GPC1: variants seen among roughly 807,000 people sequenced by gnomAD.
The protein encoded by GPC1 is glypican 1, also known as glypican-1.
In GPC1, 26 loss-of-function variants were observed where a neutral mutation model predicts 51.5. That is an observed-to-expected ratio of 0.50 (90% CI 0.37 to 0.70). GPC1 has a LOEUF of 0.70. Among genes scored for constraint, GPC1 ranks in the 30% least tolerant of loss-of-function variants. The pLI, the probability that GPC1 is intolerant of heterozygous loss-of-function variation, is 0.00. For missense variants in GPC1, 775 were observed against 800.5 expected (o/e 0.97, Z 0.38); for synonymous variants, 380 against 348.3 (o/e 1.09, Z -1.01).
rs192865950 is a variant in GPC1 at position 240,458,125 on chromosome 2, C to T, written c.167-905C>T. On this transcript the variant is annotated intron_variant, in intron 1 of 8. Transcript: ENST00000264039. ...GGACGAGACCTCATCCCTGTAAGCC[C>T]CGGTTTTCTGGTTAATAAAATGAGG... The T allele has an allele frequency of 8.9e-3, 4,080 of 460,610 alleles. 35 individuals carry two copies. Among genetic ancestry groups the T allele is most frequent in the Non-Finnish European group, 0.012 (2,739 of 219,174 alleles). 28.5% of individuals were successfully genotyped at this position (460,610 alleles called of 1,614,324 possible).
rs548610797 is a variant in GPC1 at position 240,461,789 on chromosome 2, G to T, written c.326-402G>T. Among the ~76,000 whole-genome samples, 4 of 152,216 alleles carry T rather than the reference G, an allele frequency of 2.6e-5. No homozygotes were observed. In the South Asian group the frequency reaches 8.3e-4, roughly 32 times the overall value. ...TGGGGACCAGTGGAGAGAAGGAGCG[G>T]CTGGCAGGGGGGCACAGACCGGCCC... On this transcript the variant is annotated intron_variant, in intron 2 of 8. Coordinates refer to ENST00000264039, the MANE Select transcript of GPC1 (RefSeq NM_002081.3).
chr2:240,437,933 G>C (rs1191100767), intron 1 of GPC1, among the ~76,000 whole-genome samples: 1 of 152,240 alleles, frequency 6.6e-6, no homozygotes, highest in Non-Finnish European at 1.5e-5. Flanking sequence ...GAGAGGGCAG[G>C]ACAAGATGGA....
intron 1 of GPC1, 124 bp from the exon 2 acceptor site, chr2:240,458,906 C>G: frequency 1.2e-6 from 1 of 823,204 alleles, no homozygotes; most frequent in East Asian, 2.7e-5. Context: ...ACCCCCCAGG[C>G]TGGCCCACCC....
rs151121717 is a variant in GPC1, at chr2:240,447,937, C to T, written c.167-11093C>T. Among the ~76,000 whole-genome samples the T allele has an allele frequency of 1.1e-4, 16 of 152,268 alleles. No homozygotes were observed. The East Asian group carries it at 3.1e-3, about 29-fold the overall frequency. ...TGCTTCCTGGTTGTCACCCTGAGCG[C>T]TCACAGCACGCAGTGTCGGCGCTCC... On this transcript the variant is annotated intron_variant, in intron 1 of 8. Transcript: ENST00000264039.
rs1214049831 is a variant in GPC1 at position 240,457,994 on chromosome 2, G to T, written c.167-1036G>T. The T allele has an allele frequency of 1.1e-5, 5 of 466,892 alleles. No individual in the cohort carries two copies. In the East Asian group the frequency reaches 2.8e-4, roughly 26 times the overall value. 28.9% of individuals were successfully genotyped at this position (466,892 alleles called of 1,614,324 possible). A position where few individuals can be genotyped will look rare whatever the true frequency, so the allele number is the denominator to read the frequency against. On this transcript the variant is annotated intron_variant, in intron 1 of 8. Coordinates refer to ENST00000264039, the MANE Select transcript of GPC1 (RefSeq NM_002081.3). ...GCCTGACCTAGGCCAGCACCAGGAG[G>T]GCCTTAGAGGCGGGGGACGAGGCCC...
At chr2:240,454,304 G>A (rs1390871763) in intron 1 of GPC1, among the ~76,000 whole-genome samples, 1 of 152,238 alleles carries the variant, frequency 6.6e-6, no homozygotes, top group Non-Finnish European at 1.5e-5. Context: ...TGCAGCCTGG[G>A]CAGTGGGTGG....
In GPC1 at chr2:240,448,801, C is replaced by T. The variant is rs2074071476; in HGVS notation, c.167-10229C>T. Among the ~76,000 whole-genome samples, 3 of 152,150 alleles carry T rather than the reference C, an allele frequency of 2.0e-5. No individual in the cohort carries two copies. The highest frequency in any genetic ancestry group is 6.5e-5 in the Admixed American group (1 of 15,290). On this transcript the variant is annotated intron_variant, in intron 1 of 8. Coordinates refer to ENST00000264039, the MANE Select transcript of GPC1 (RefSeq NM_002081.3). The surrounding 1 kb of genome is among the most constrained non-coding windows in gnomAD (Gnocchi z 4.5). ...AGACACCAGCCCAGCTGCCTGAGGC[C>T]CAACTAGGTTTCAGCAGCACCTGGC...
At chr2:240,460,174 G>A (rs1222329547) in intron 2 of GPC1, among the ~76,000 whole-genome samples, 2 of 152,128 alleles carry the variant, frequency 1.3e-5, no homozygotes, top group African/African-American at 4.8e-5. Flanking sequence ...GACCTCAGCT[G>A]TTGGCGTACA....
chr2:240,455,221 A>G (rs934094571), intron 1 of GPC1, among the ~76,000 whole-genome samples: 1 of 152,168 alleles, frequency 6.6e-6, no homozygotes, highest in Non-Finnish European at 1.5e-5. Flanking sequence ...TGAATCTGCC[A>G]TTAAACAAAT....
Position 240,436,063 on chromosome 2 carries a change from G to A in GPC1, c.145G>A (p.Val49Met), listed in dbSNP as rs746411797. 7.5e-7 allele frequency: 1 copy of A among 1,326,078 alleles called. No individual in the cohort carries two copies. The highest frequency in any genetic ancestry group is 9.7e-7 in the Non-Finnish European group (1 of 1,036,048). The allele number at this position is 1,326,078 out of a possible 1,614,324, so 82.1% of individuals were successfully genotyped here. A position where few individuals can be genotyped will look rare whatever the true frequency, so the allele number is the denominator to read the frequency against. Residue 49 changes from valine (V) to methionine (M), a missense_variant, in exon 1 of 9, where the codon GTG (valine) becomes ATG (methionine). Physicochemically the swap from Val to Met is conservative, Grantham distance 21 (BLOSUM62 1). Transcript: ENST00000264039. ...AGCCAAGGGCTTCAGCCTGAGCGAC[G>A]TGCCCCAGGCGGAGATCTCGGGTGA... ...YGAKGFSLSD[V>M]PQAEISGEHL...
chr2:240,462,056 G>A, intron 2 of GPC1, 135 bp from the exon 3 acceptor site: 1 of 861,840 alleles, frequency 1.2e-6, no homozygotes, highest in African/African-American at 1.7e-5. Context: ...CACAGCCGCT[G>A]CAGTGTGGCG....
chr2:240,456,111 G>A (rs535369822), intron 1 of GPC1: 3 of 284,496 alleles, frequency 1.1e-5, no homozygotes, highest in East Asian at 1.7e-4. Flanking sequence ...CGCCGGGCCG[G>A]CTGGGCGAGT....
chr2:240,437,157 G>A (rs910619467), intron 1 of GPC1, among the ~76,000 whole-genome samples: 1 of 152,174 alleles, frequency 6.6e-6, no homozygotes, highest in Non-Finnish European at 1.5e-5. Flanking sequence ...CTACTCAGAT[G>A]GGGACTCAGC....
chr2:240,442,636 G>A (rs1304567177), intron 1 of GPC1: 1 of 152,272 alleles, frequency 6.6e-6, no homozygotes, highest in African/African-American at 2.4e-5. Flanking sequence ...TTAACGAGAG[G>A]TGTCACACAG....
At chr2:240,462,641 G>C in intron 3 of GPC1, 59 bp downstream of exon 3, 3 of 1,435,810 alleles carry the variant, frequency 2.1e-6, no homozygotes, top group Non-Finnish European at 2.8e-6. Context: ...CTCTGCCCAA[G>C]GGACTTCCTC....
In GPC1 at chr2:240,465,665, GC is replaced by G; in HGVS notation, c.1444+19del. 1.2e-6 allele frequency: 2 copies of G among 1,610,348 alleles called. No individual in the cohort carries two copies. Among genetic ancestry groups the G allele is most frequent in the Non-Finnish European group, 1.7e-6 (2 of 1,178,306 alleles). The stretch of plus-strand genomic sequence containing the variant: ...AGGACGCCAGTGAGGGCAGGGCCTG[GC>G]CGGGCGGCCAAGGGGCCAGGGTTGG... On this transcript the variant is annotated intron_variant, in intron 8 of 8. Coordinates refer to ENST00000264039, the MANE Select transcript of GPC1 (RefSeq NM_002081.3).
Position 240,448,825 on chromosome 2 carries a change from G to A in GPC1, c.167-10205G>A, listed in dbSNP as rs768392709. Reference sequence around the variant, plus strand: ...CCCAACTAGGTTTCAGCAGCACCTGGCCAGCAATGGGATAGTCAGGCCAGC... The same window carrying A: ...CCCAACTAGGTTTCAGCAGCACCTGACCAGCAATGGGATAGTCAGGCCAGC... On this transcript the variant is annotated intron_variant, in intron 1 of 8. Transcript: ENST00000264039. This position sits in a 1 kb window ranked among gnomAD's most constrained non-coding sequence, Gnocchi z 4.5. 6.6e-6 allele frequency among the ~76,000 whole-genome samples: 1 copy of A among 152,134 alleles called. No homozygotes were observed. Among genetic ancestry groups the A allele is most frequent in the Non-Finnish European group, 1.5e-5 (1 of 68,012 alleles).
intron 1 of GPC1, chr2:240,453,100 C>T (rs748691337): frequency 1.0e-5 from 3 of 291,660 alleles, no homozygotes; most frequent in Non-Finnish European, 1.3e-5. Flanking sequence ...CATCCGCAGG[C>T]GCGCCACCCC....
At chr2:240,461,316 G>A (rs2074213054) in intron 2 of GPC1, among the ~76,000 whole-genome samples, 1 of 152,210 alleles carries the variant, frequency 6.6e-6, no homozygotes, top group Non-Finnish European at 1.5e-5. Context: ...TCAAAGGAGA[G>A]CCTCTGCCCT....
Sources: gnomAD v4.1 joint callset for allele counts (sites outside exome capture counted in the v4.1 genomes callset) on GRCh38, gnomAD v4.1.1 for gene constraint, Gnocchi (gnomAD v3.1) non-coding constraint, MANE v1.5 for transcripts, NCBI Gene and HGNC (gene_info 2026-07-23, HGNC 2026-07-21) for gene names.